Variants in GREB1L observed in about 807,000 individuals in gnomAD.
GREB1L encodes GREB1-like protein.
Under a neutral mutation model 200.8 loss-of-function variants are expected in GREB1L, and 17 were observed. The ratio of observed to expected loss-of-function variants is 0.08; its 90% CI spans 0.06 to 0.13. The LOEUF (loss-of-function observed/expected upper bound fraction) is 0.13, where lower values mean the gene tolerates loss of function less well. Among genes scored for constraint, GREB1L ranks in the 10% least tolerant of loss-of-function variants. GREB1L has a pLI of 1.00. For missense variants in GREB1L, 1,657 were observed against 2,367.7 expected (o/e 0.70, Z 6.23); for synonymous variants, 789 against 893.0 (o/e 0.88, Z 2.08).
At chr18:21,429,627 A>C (rs1224324609) in intron 7 of GREB1L, among the ~76,000 whole-genome samples, 1 of 152,124 alleles carries the variant, frequency 6.6e-6, no homozygotes, top group African/African-American at 2.4e-5. Context: ...GGTAGGATTC[A>C]CTAAGGAAGA....
chr18:21,433,532 G>T (rs1175117592), intron 7 of GREB1L, among the ~76,000 whole-genome samples: 1 of 152,136 alleles, frequency 6.6e-6, no homozygotes, highest in Non-Finnish European at 1.5e-5. Context: ...AAAAACTGGG[G>T]TCATCTTCAG....
At chr18:21,397,600 C>G (rs1345428255) in intron 5 of GREB1L, among the ~76,000 whole-genome samples, 7 of 151,774 alleles carry the variant, frequency 4.6e-5, no homozygotes, top group Non-Finnish European at 1.0e-4. Context: ...ACTCGGGAGG[C>G]TGAGGCAGGA....
At chr18:21,402,866 G>C (rs1035665689) in intron 6 of GREB1L, among the ~76,000 whole-genome samples, 7 of 151,548 alleles carry the variant, frequency 4.6e-5, no homozygotes, top group Non-Finnish European at 7.4e-5. Flanking sequence ...GAAGCCTCAC[G>C]TTTATAATAG....
intron 1 of GREB1L, among the ~76,000 whole-genome samples, chr18:21,276,847 C>T (rs1022195315): frequency 3.3e-5 from 5 of 150,818 alleles, no homozygotes; most frequent in Non-Finnish European, 7.4e-5. Flanking sequence ...AGAAAGGAAG[C>T]GTTTTTGATA....
rs1019425054 is a variant in GREB1L at position 21,525,935 on chromosome 18, G to C, written c.*3114G>C. 5.3e-5 allele frequency among the ~76,000 whole-genome samples: 8 copies of C among 152,162 alleles called. No homozygotes were observed. The highest frequency in any genetic ancestry group is 1.0e-4 in the Non-Finnish European group (7 of 68,024). On this transcript the variant is annotated 3_prime_UTR_variant, in exon 33 of 33. Coordinates refer to ENST00000424526, the MANE Select transcript of GREB1L (RefSeq NM_001142966.3). ...CCCTCAGGAAGGGCAATAAATATTT[G>C]TAAGTGTAATGACAGACTTTCAGAG...
At chr18:21,410,511 T>C (rs976830204) in intron 7 of GREB1L, among the ~76,000 whole-genome samples, 7 of 151,176 alleles carry the variant, frequency 4.6e-5, no homozygotes, top group African/African-American at 7.3e-5. Flanking sequence ...AAAAATTAAC[T>C]AGGTGTGGTG....
intron 1 of GREB1L, among the ~76,000 whole-genome samples, chr18:21,362,121 T>TTTGTA (rs2039589070): frequency 6.6e-6 from 1 of 152,034 alleles, no homozygotes; most frequent in Admixed American, 6.6e-5. Context: ...TTTGTATGTA[T>TTTGTA]TCTACTTTGC....
At chr18:21,277,703 CTCAACTCCCTG>C (rs2038191680) in intron 1 of GREB1L, among the ~76,000 whole-genome samples, 1 of 152,158 alleles carries the variant, frequency 6.6e-6, no homozygotes, top group Admixed American at 6.5e-5. Flanking sequence ...ATAGTCAAAA[CTCAACTCCCTG>C]TCACCCCTGT....
At position 21,385,639 on chromosome 18, in the gene GREB1L, T is replaced by C. The variant is rs534024858; in HGVS notation, c.355+1236T>C. Among the ~76,000 whole-genome samples the C allele has an allele frequency of 4.6e-5, 7 of 152,188 alleles. No individual in the cohort carries two copies. The South Asian group carries it at 1.5e-3, about 32-fold the overall frequency. On this transcript the variant is annotated intron_variant, in intron 4 of 32. Transcript: ENST00000424526. ...ATACAGGCCTTTAAGCCTGTGGAGGTGTAGGAGGTGACTAGCATTATGTTT... is the reference window on the plus strand; with the variant it reads ...ATACAGGCCTTTAAGCCTGTGGAGGCGTAGGAGGTGACTAGCATTATGTTT...
At chr18:21,380,398 AG>A (rs1390339805) in intron 2 of GREB1L, 1 of 152,146 alleles carries the variant, frequency 6.6e-6, no homozygotes, top group Non-Finnish European at 1.5e-5. Context: ...CTTCTCAACC[AG>A]TCCTCCAGGG....
intron 1 of GREB1L, among the ~76,000 whole-genome samples, chr18:21,353,786 GTTCT>G (rs2039467287): frequency 6.6e-6 from 1 of 151,794 alleles, no homozygotes; most frequent in African/African-American, 2.4e-5. Context: ...TCTCATATAA[GTTCT>G]TTCTTTTCTT....
chr18:21,412,051 CAAAAAAAA>C (rs962603456), intron 7 of GREB1L, among the ~76,000 whole-genome samples: 1,072 of 30,464 alleles, frequency 0.035, 15 homozygotes, highest in African/African-American at 0.11. Context: ...GACTCCGTCT[CAAAAAAAA>C]AAAAAAAAAA....
At chr18:21,284,282 A>G (rs979291960) in intron 1 of GREB1L, among the ~76,000 whole-genome samples, 10 of 152,154 alleles carry the variant, frequency 6.6e-5, no homozygotes, top group African/African-American at 2.4e-4. Flanking sequence ...TAATTTTAGA[A>G]CGTTTTTATC....
At chr18:21,444,791 C>T (rs2034115055) in intron 11 of GREB1L, among the ~76,000 whole-genome samples, 1 of 152,230 alleles carries the variant, frequency 6.6e-6, no homozygotes, top group Admixed American at 6.5e-5. Context: ...AGTGCAAACA[C>T]AGCCATTGTC....
Position 21,384,245 on chromosome 18 carries a change from T to G in GREB1L, c.197T>G (p.Val66Gly). 1 of 1,551,386 alleles carries G rather than the reference T, an allele frequency of 6.4e-7. No homozygotes were observed. Among genetic ancestry groups the G allele is most frequent in the Non-Finnish European group, 8.7e-7 (1 of 1,146,772 alleles). Residue 66 changes from valine to glycine, a missense_variant, in exon 4 of 33, where the codon GTA becomes GGA. By Grantham distance (109) the Val-to-Gly change is moderately radical. Around this residue, in one of 9 missense-constraint regions of GREB1L, gnomAD observed 121 missense variants for 126.6 expected, o/e 0.96. Transcript: ENST00000424526. ...PKVEDLDKDLVNRYTQNGSLD... is the reference protein window; with the variant it reads ...PKVEDLDKDLGNRYTQNGSLD... ...GTGGAGGATCTGGACAAAGATTTGG[T>G]AAACCGCTACACTCAAAATGGAAGT...
chr18:21,329,369 T>A (rs1226608926), intron 1 of GREB1L, among the ~76,000 whole-genome samples: 2 of 151,880 alleles, frequency 1.3e-5, no homozygotes, highest in Non-Finnish European at 2.9e-5. Context: ...ATATTACAAT[T>A]GACCCTTGTC....
At chr18:21,279,517 A>G (rs781239832) in intron 1 of GREB1L, among the ~76,000 whole-genome samples, 1 of 152,218 alleles carries the variant, frequency 6.6e-6, no homozygotes, top group Non-Finnish European at 1.5e-5. Context: ...ACTTTTAGAT[A>G]CATAATATCT....
intron 27 of GREB1L, among the ~76,000 whole-genome samples, chr18:21,509,999 G>A (rs925752071): frequency 6.6e-6 from 1 of 151,958 alleles, no homozygotes; most frequent in East Asian, 1.9e-4. Context: ...CTGAGGTCAG[G>A]AGTTTTGAGA....
chr18:21,490,153 C>T lies in GREB1L; in HGVS notation c.2832C>T (p.Ile944=), dbSNP rs1442802551. The change falls in exon 19 of 33, where the codon ATC becomes ATT. Residue 944 remains isoleucine, a synonymous_variant. Coordinates refer to ENST00000424526, the MANE Select transcript of GREB1L (RefSeq NM_001142966.3). The stretch of plus-strand genomic sequence containing the variant: ...CACTCAGCATTATGGATGACCTCAT[C>T]AGCTCCCCAGGCAAAAACAAAAGTG... ...PETLSIMDDL[I]SSPGKNKSGR... is the part of the protein sequence containing the mutation. 2 of 1,551,802 alleles carry T rather than the reference C, an allele frequency of 1.3e-6. No individual in the cohort carries two copies. Among genetic ancestry groups the T allele is most frequent in the Admixed American group, 2.0e-5 (1 of 51,006 alleles).
Sources: allele counts gnomAD v4.1 joint callset (sites outside exome capture counted in the v4.1 genomes callset), GRCh38; gene constraint gnomAD v4.1.1; regional missense constraint gnomAD v4.1.1; transcripts MANE v1.5; gene names NCBI Gene and HGNC (gene_info 2026-07-23, HGNC 2026-07-21).